The following ENTREP1 variants were observed in gnomAD, a reference collection of about 807,000 sequenced individuals.
ENTREP1 encodes Friedreich ataxia region gene X123.
At chr9:69,353,082 A>G in the ENTREP1 span, among the ~76,000 whole-genome samples, 203 of 152,276 alleles carry the variant, frequency 1.3e-3, no homozygotes, top group Non-Finnish European at 2.3e-3. Context: ...GGCTGCAGTG[A>G]GCCGTGATCG....
the ENTREP1 span, among the ~76,000 whole-genome samples, chr9:69,341,853 A>G: frequency 1.3e-5 from 2 of 152,110 alleles, no homozygotes; most frequent in Non-Finnish European, 2.9e-5. Flanking sequence ...CCTGGATTTT[A>G]ATGCTGACAC....
the ENTREP1 span, among the ~76,000 whole-genome samples, chr9:69,360,995 T>G: frequency 6.6e-6 from 1 of 152,196 alleles, no homozygotes; most frequent in African/African-American, 2.4e-5. Flanking sequence ...TCTCAAAATT[T>G]TGAAGGCATG....
chr9:69,325,002 G>A, the ENTREP1 span: 1 of 985,374 alleles, frequency 1.0e-6, no homozygotes. Flanking sequence ...GTTCGGCGGG[G>A]ACCCTGAGGC....
chr9:69,371,534 C>T, the ENTREP1 span: 1 of 1,613,828 alleles, frequency 6.2e-7, no homozygotes, highest in Admixed American at 1.7e-5. Flanking sequence ...TGGTTTGTGT[C>T]CTCTTAAATC....
the ENTREP1 span, chr9:69,385,766 T>A: frequency 2.7e-6 from 1 of 366,526 alleles, no homozygotes; most frequent in Non-Finnish European, 3.5e-6. Context: ...TTCGCCTCTT[T>A]TTTTTTTTTT....
chr9:69,352,480 G>A, the ENTREP1 span, among the ~76,000 whole-genome samples: 1 of 152,122 alleles, frequency 6.6e-6, no homozygotes, highest in African/African-American at 2.4e-5. Context: ...ATAACTAAAG[G>A]CTAGATTGGT....
chr9:69,344,273 G>T, the ENTREP1 span, among the ~76,000 whole-genome samples: 1 of 152,182 alleles, frequency 6.6e-6, no homozygotes, highest in Non-Finnish European at 1.5e-5. Flanking sequence ...GTGTGTGCGT[G>T]TGTGGTGTGT....
At chr9:69,376,687 G>A in the ENTREP1 span, among the ~76,000 whole-genome samples, 4 of 152,176 alleles carry the variant, frequency 2.6e-5, no homozygotes, top group Admixed American at 2.6e-4. Context: ...TGTGGAAATG[G>A]CCTGCTTTCC....
the ENTREP1 span, among the ~76,000 whole-genome samples, chr9:69,353,743 G>A: frequency 8.5e-5 from 13 of 152,092 alleles, no homozygotes; most frequent in Non-Finnish European, 1.5e-4. Context: ...ATCAAGATTC[G>A]CTTATGGCAT....
chr9:69,390,945 A>G, the ENTREP1 span, among the ~76,000 whole-genome samples: 5 of 102,008 alleles, frequency 4.9e-5, no homozygotes, highest in Non-Finnish European at 7.7e-5. Flanking sequence ...CCAGCTAATT[A>G]ATTTTTTTTT....
chr9:69,353,612 T>C, the ENTREP1 span, among the ~76,000 whole-genome samples: 1 of 152,250 alleles, frequency 6.6e-6, no homozygotes, highest in Non-Finnish European at 1.5e-5. Flanking sequence ...TCAGCCTATG[T>C]TTAAATTTCC....
the ENTREP1 span, among the ~76,000 whole-genome samples, chr9:69,359,592 G>A: frequency 6.6e-6 from 1 of 152,196 alleles, no homozygotes; most frequent in African/African-American, 2.4e-5. Context: ...CTTCTGCCGT[G>A]ATTGTATGTC....
chr9:69,324,758 A>C, the ENTREP1 span: 6 of 985,524 alleles, frequency 6.1e-6, no homozygotes, highest in African/African-American at 8.7e-5. Context: ...CTCCTTGGGC[A>C]AAAGTTTAAG....
chr9:69,340,695 A>ATGTGTGTGTG, the ENTREP1 span, among the ~76,000 whole-genome samples: 3 of 54,366 alleles, frequency 5.5e-5, no homozygotes, highest in African/African-American at 2.1e-4. Context: ...GTGTGTGTGT[A>ATGTGTGTGTG]TGTGTGTGTG....
chr9:69,336,212 G>A, the ENTREP1 span: 10 of 1,533,936 alleles, frequency 6.5e-6, no homozygotes, highest in African/African-American at 4.1e-5. Context: ...TATCCTTACA[G>A]GTGATACTCT....
chr9:69,365,819 C>T, the ENTREP1 span, among the ~76,000 whole-genome samples: 1 of 152,238 alleles, frequency 6.6e-6, no homozygotes, highest in Non-Finnish European at 1.5e-5. Flanking sequence ...AACATAAGGG[C>T]CTCCAGTTCC....
the ENTREP1 span, among the ~76,000 whole-genome samples, chr9:69,376,657 CA>C: frequency 1.3e-5 from 2 of 152,108 alleles, no homozygotes; most frequent in African/African-American, 4.8e-5. Context: ...TCCAAGCTAC[CA>C]GCTCTGGGTT....
At chr9:69,365,724 C>A in the ENTREP1 span, among the ~76,000 whole-genome samples, 12 of 151,588 alleles carry the variant, frequency 7.9e-5, no homozygotes, top group Non-Finnish European at 5.9e-5. Context: ...ATTCTACTCT[C>A]TCTCGATGAG....
At chr9:69,350,442 CT>C in the ENTREP1 span, among the ~76,000 whole-genome samples, 1 of 152,180 alleles carries the variant, frequency 6.6e-6, no homozygotes, top group Non-Finnish European at 1.5e-5. Flanking sequence ...AGTTGTTCCA[CT>C]TTCCCTTTTG....
Sources: gnomAD v4.1 joint callset for allele counts (sites outside exome capture counted in the v4.1 genomes callset) on GRCh38, gnomAD v4.1.1 for gene constraint, MANE v1.5 for transcripts, NCBI Gene and HGNC (gene_info 2026-07-23, HGNC 2026-07-21) for gene names.